SYT9: variants seen among roughly 807,000 people sequenced by gnomAD.
The protein encoded by SYT9 is synaptotagmin 9.
Under a neutral mutation model 48.4 loss-of-function variants are expected in SYT9, and 22 were observed. The ratio of observed to expected loss-of-function variants is 0.45; its 90% confidence interval spans 0.32 to 0.65. The LOEUF (loss-of-function observed/expected upper bound fraction) is 0.65. SYT9 is among the 30% of genes least tolerant of loss of function. SYT9 has a pLI of 0.03. For missense variants in SYT9, 577 were observed against 622.0 expected (o/e 0.93, Z 0.77); for synonymous variants, 265 against 245.0 (o/e 1.08, Z -0.76).
intron 1 of SYT9, among the ~76,000 whole-genome samples, chr11:7,243,580 A>C (rs1184441417): frequency 6.6e-6 from 1 of 151,746 alleles, no homozygotes; most frequent in Non-Finnish European, 1.5e-5. Context: ...GATTACTAAA[A>C]CTCTTCTTTA....
At chr11:7,388,595 G>A (rs2134056657) in intron 3 of SYT9, among the ~76,000 whole-genome samples, 1 of 151,654 alleles carries the variant, frequency 6.6e-6, no homozygotes, top group East Asian at 1.9e-4. Flanking sequence ...CTTATTTTGG[G>A]CTATTTTATG....
At chr11:7,462,003 T>C (rs370257905) in intron 6 of SYT9, among the ~76,000 whole-genome samples, 27 of 152,264 alleles carry the variant, frequency 1.8e-4, no homozygotes, top group Admixed American at 1.8e-3. Context: ...CAAGGTCTAC[T>C]TGACGGTGAA....
intron 3 of SYT9, among the ~76,000 whole-genome samples, chr11:7,334,917 T>C (rs1002672448): frequency 6.6e-6 from 1 of 152,216 alleles, no homozygotes; most frequent in South Asian, 2.1e-4. Context: ...GTTTGAGATA[T>C]TACAAGTAAA....
intron 3 of SYT9, among the ~76,000 whole-genome samples, chr11:7,366,936 AAT>A (rs1286418922): frequency 6.6e-6 from 1 of 151,846 alleles, no homozygotes; most frequent in Non-Finnish European, 1.5e-5. Context: ...TTTGTGAATA[AAT>A]ATACACATAG....
intron 3 of SYT9, among the ~76,000 whole-genome samples, chr11:7,393,480 G>A (rs1023631661): frequency 1.3e-5 from 2 of 151,828 alleles, no homozygotes; most frequent in African/African-American, 4.8e-5. Flanking sequence ...TTAACATTTT[G>A]ATGTGCTGCT....
chr11:7,243,390 G>A (rs527633950), intron 1 of SYT9, among the ~76,000 whole-genome samples: 9 of 152,324 alleles, frequency 5.9e-5, no homozygotes, highest in South Asian at 4.1e-4. Context: ...GCACAGAGTA[G>A]GGCTGAGACA....
intron 3 of SYT9, among the ~76,000 whole-genome samples, chr11:7,371,501 AAAG>A (rs10531118): frequency 0.14 from 21,732 of 152,048 alleles, 1,797 homozygotes; most frequent in South Asian, 0.23. Context: ...ATATAGAAAA[AAAG>A]CTGTCTTTAT....
At chr11:7,420,728 T>G (rs1001923376) in intron 6 of SYT9, 93 bp downstream of exon 6, 39 of 1,505,306 alleles carry the variant, frequency 2.6e-5, no homozygotes, top group Non-Finnish European at 3.5e-5. Context: ...TGCACCAGGA[T>G]CTATGGTCAT....
chr11:7,432,569 AAAAAAAAAAAAAAATATATATACATAT>A (rs1847607616), intron 6 of SYT9, among the ~76,000 whole-genome samples: 1 of 13,618 alleles, frequency 7.3e-5, no homozygotes, highest in Non-Finnish European at 1.2e-4. Context: ...AAAAAAAAAA[AAAAAAAAAAAAAAATATATATACATAT>A]ATATATATAT....
intron 1 of SYT9, among the ~76,000 whole-genome samples, chr11:7,261,199 G>A (rs1218303358): frequency 1.3e-5 from 2 of 152,128 alleles, no homozygotes; most frequent in Non-Finnish European, 2.9e-5. Context: ...TGTACACTTT[G>A]CTTATCACAT....
At chr11:7,375,166 T>G (rs1850430213) in intron 3 of SYT9, among the ~76,000 whole-genome samples, 1 of 152,206 alleles carries the variant, frequency 6.6e-6, no homozygotes, top group Non-Finnish European at 1.5e-5. Context: ...CACCATTTAT[T>G]AAATAGGGAA....
chr11:7,391,362 G>A (rs1846607408), intron 3 of SYT9, among the ~76,000 whole-genome samples: 1 of 152,004 alleles, frequency 6.6e-6, no homozygotes, highest in South Asian at 2.1e-4. Context: ...TCTATTTTTA[G>A]TTCTTTGAGA....
chr11:7,294,249 G>T (rs1848748853), intron 1 of SYT9, among the ~76,000 whole-genome samples: 1 of 151,946 alleles, frequency 6.6e-6, no homozygotes. Flanking sequence ...AATTTGGGGG[G>T]GACACAAGCA....
intron 3 of SYT9, among the ~76,000 whole-genome samples, chr11:7,318,375 G>T (rs574997044): frequency 8.6e-5 from 13 of 151,574 alleles, no homozygotes; most frequent in African/African-American, 3.1e-4. Flanking sequence ...GTGCAATGGC[G>T]CAATCAAGGC....
chr11:7,419,342 T>A (rs1225017176), intron 5 of SYT9, among the ~76,000 whole-genome samples: 3 of 152,162 alleles, frequency 2.0e-5, no homozygotes, highest in Admixed American at 2.0e-4. Flanking sequence ...TCTGCATGCA[T>A]TTGATTTTAA....
intron 3 of SYT9, among the ~76,000 whole-genome samples, chr11:7,386,495 A>G (rs1048883585): frequency 6.6e-6 from 1 of 152,142 alleles, no homozygotes; most frequent in Non-Finnish European, 1.5e-5. Flanking sequence ...AAGGATATGA[A>G]CAGACACTTC....
At chr11:7,277,929 A>C (rs1848427978) in intron 1 of SYT9, among the ~76,000 whole-genome samples, 1 of 152,236 alleles carries the variant, frequency 6.6e-6, no homozygotes, top group Admixed American at 6.5e-5. Flanking sequence ...GAAGTGTGCC[A>C]GTCTGTTTTC....
intron 3 of SYT9, among the ~76,000 whole-genome samples, chr11:7,394,204 A>T (rs1173984147): frequency 7.3e-5 from 11 of 151,306 alleles, no homozygotes; most frequent in Admixed American, 4.6e-4. Context: ...GAGTGAGAAC[A>T]TGTGGTATTT....
At chr11:7,328,694 T>G (rs1849478396) in intron 3 of SYT9, among the ~76,000 whole-genome samples, 2 of 152,314 alleles carry the variant, frequency 1.3e-5, no homozygotes, top group East Asian at 3.9e-4. Flanking sequence ...ACCACTTCTC[T>G]TGGTTTACTA....
Sources: allele counts gnomAD v4.1 joint callset (sites outside exome capture counted in the v4.1 genomes callset), GRCh38; gene constraint gnomAD v4.1.1; transcripts MANE v1.5; gene names NCBI Gene and HGNC (gene_info 2026-07-23, HGNC 2026-07-21).